Variants in MYO16 observed in about 807,000 individuals in gnomAD.
MYO16 encodes unconventional myosin-XVI.
In MYO16, 94 loss-of-function variants were observed where a neutral mutation model predicts 205.3. The ratio of observed to expected loss-of-function variants is 0.46; its 90% CI spans 0.39 to 0.54. The LOEUF (loss-of-function observed/expected upper bound fraction) is 0.54, where lower values mean the gene tolerates loss of function less well. MYO16 is among the 20% of genes least tolerant of loss of function. The pLI is 0.00. For synonymous variants in MYO16, 988 were observed against 954.0 expected (o/e 1.04, Z -0.66); for missense variants, 2,315 against 2,387.5 (o/e 0.97, Z 0.63).
At chr13:108,856,963 C>T (rs761899717) in intron 11 of MYO16, among the ~76,000 whole-genome samples, 7 of 152,304 alleles carry the variant, frequency 4.6e-5, no homozygotes, top group Non-Finnish European at 8.8e-5. Flanking sequence ...GAACAAAGAG[C>T]GCAACCCTTC....
In MYO16 at chr13:108,930,610, C is replaced by G. The variant is rs148464082; in HGVS notation, c.1925+20460C>G. The stretch of plus-strand genomic sequence containing the variant: ...TAAATTAGAAGTAAAAGGAGTATTT[C>G]ACACACAAAAAAATTATGCTAAGTT... On this transcript the variant is annotated intron_variant, in intron 16 of 34. Coordinates refer to ENST00000457511, the MANE Select transcript of MYO16 (RefSeq NM_001198950.3). Among the ~76,000 whole-genome samples the G allele has an allele frequency of 5.1e-4, 77 of 152,210 alleles. 3 individuals carry two copies. In the East Asian group the frequency reaches 0.013, roughly 26 times the overall value.
At chr13:108,730,391 G>A (rs1884482606) in intron 4 of MYO16, among the ~76,000 whole-genome samples, 1 of 152,008 alleles carries the variant, frequency 6.6e-6, no homozygotes, top group Non-Finnish European at 1.5e-5. Context: ...CCCAGTCTAG[G>A]GTATTTCTTC....
intron 27 of MYO16, among the ~76,000 whole-genome samples, chr13:109,076,400 T>C (rs1446841165): frequency 6.6e-6 from 1 of 152,144 alleles, no homozygotes; most frequent in Non-Finnish European, 1.5e-5. Flanking sequence ...TCCCTCTGTT[T>C]GTTGAAACAA....
intron 16 of MYO16, among the ~76,000 whole-genome samples, chr13:108,930,766 C>T (rs1401996900): frequency 6.6e-6 from 1 of 151,740 alleles, no homozygotes; most frequent in South Asian, 2.1e-4. Flanking sequence ...ACTATAAATA[C>T]CACTATTTGT....
intron 1 of MYO16, among the ~76,000 whole-genome samples, chr13:108,658,120 A>G (rs1450700790): frequency 2.0e-5 from 3 of 152,054 alleles, no homozygotes; most frequent in Non-Finnish European, 4.4e-5. Context: ...TTCTTTTTCT[A>G]TTGTACGAAA....
intron 9 of MYO16, among the ~76,000 whole-genome samples, chr13:108,829,349 T>C (rs2139036382): frequency 6.6e-6 from 1 of 152,374 alleles, no homozygotes; most frequent in South Asian, 2.1e-4. Context: ...GTTCTTCACT[T>C]ATCTTTGAAC....
chr13:108,865,437 A>G (rs1433754567), intron 11 of MYO16, among the ~76,000 whole-genome samples: 4 of 151,744 alleles, frequency 2.6e-5, no homozygotes, highest in Non-Finnish European at 4.4e-5. Context: ...CCAAAAGCAC[A>G]TTTTCTATAA....
At chr13:109,161,560 A>G (rs958930961) in intron 32 of MYO16, among the ~76,000 whole-genome samples, 1 of 152,220 alleles carries the variant, frequency 6.6e-6, no homozygotes, top group Admixed American at 6.5e-5. Context: ...GGCACCTAAT[A>G]TACACCTGGG....
chr13:108,732,181 C>T (rs547722804), intron 4 of MYO16, among the ~76,000 whole-genome samples: 1 of 152,260 alleles, frequency 6.6e-6, no homozygotes, highest in East Asian at 1.9e-4. Flanking sequence ...TTTCCATTTT[C>T]CAGAGCTTGA....
At chr13:109,091,578 C>A (rs913704480) in intron 27 of MYO16, among the ~76,000 whole-genome samples, 3 of 152,164 alleles carry the variant, frequency 2.0e-5, no homozygotes, top group Non-Finnish European at 4.4e-5. Context: ...TGGGCATCTG[C>A]TTCTCTTCCT....
chr13:108,853,954 T>TTG (rs5806760), intron 10 of MYO16, among the ~76,000 whole-genome samples: 125 of 138,584 alleles, frequency 9.0e-4, no homozygotes, highest in African/African-American at 2.3e-3. Context: ...GTTTCTATTA[T>TTG]TGTGTGTGTG....
chr13:109,062,191 A>G lies in MYO16; in HGVS notation c.3335+6596A>G, dbSNP rs1294768786. Among the ~76,000 whole-genome samples the G allele has an allele frequency of 2.0e-5, 3 of 152,350 alleles. No individual in the cohort carries two copies. In the East Asian group the frequency reaches 5.8e-4, roughly 29 times the overall value. Reference sequence around the variant, plus strand: ...CTGTTAGGATTACGCTTTTGCTAAAATAGTAAATGCAATTAATACTTAAAA... The same window carrying G: ...CTGTTAGGATTACGCTTTTGCTAAAGTAGTAAATGCAATTAATACTTAAAA... On this transcript the variant is annotated intron_variant, in intron 27 of 34. Coordinates refer to ENST00000457511, the MANE Select transcript of MYO16 (RefSeq NM_001198950.3).
chr13:108,964,671 T>C, intron 19 of MYO16, 90 bp from the exon 20 acceptor site: 1 of 1,327,890 alleles, frequency 7.5e-7, no homozygotes, highest in Non-Finnish European at 1.0e-6. Context: ...TGTGGATGTG[T>C]GGGGAATTAA....
intron 32 of MYO16, among the ~76,000 whole-genome samples, chr13:109,142,839 T>G (rs1223547265): frequency 6.6e-6 from 1 of 152,128 alleles, no homozygotes; most frequent in East Asian, 1.9e-4. Flanking sequence ...CCTGAGCTGC[T>G]GCCCAGCCCA....
chr13:109,159,599 G>A (rs1221378044), intron 32 of MYO16, among the ~76,000 whole-genome samples: 4 of 152,212 alleles, frequency 2.6e-5, no homozygotes, highest in African/African-American at 9.7e-5. Context: ...TCCAGAGGAA[G>A]GAGACACAAA....
chr13:108,918,109 T>G (rs1881579731), intron 16 of MYO16, among the ~76,000 whole-genome samples: 1 of 152,248 alleles, frequency 6.6e-6, no homozygotes. Context: ...GCATCACAGA[T>G]AAATTTAACT....
chr13:108,597,158 C>G (rs1463826358), intron 1 of MYO16, among the ~76,000 whole-genome samples: 1 of 152,092 alleles, frequency 6.6e-6, no homozygotes, highest in African/African-American at 2.4e-5. Context: ...TCTTCATATG[C>G]GTTATTTCAC....
intron 9 of MYO16, among the ~76,000 whole-genome samples, chr13:108,840,337 A>C (rs1877177610): frequency 6.6e-6 from 1 of 151,926 alleles, no homozygotes; most frequent in African/African-American, 2.4e-5. Flanking sequence ...TTTTTTATTC[A>C]TGCTTTCCTA....
intron 28 of MYO16, among the ~76,000 whole-genome samples, chr13:109,112,179 A>G (rs564755789): frequency 6.6e-6 from 1 of 152,280 alleles, no homozygotes; most frequent in South Asian, 2.1e-4. Context: ...TCTTTTAGAG[A>G]AATAAAAAAG....
Sources: allele counts gnomAD v4.1 joint callset (sites outside exome capture counted in the v4.1 genomes callset), GRCh38; gene constraint gnomAD v4.1.1; transcripts MANE v1.5; gene names NCBI Gene and HGNC (gene_info 2026-07-23, HGNC 2026-07-21).